Variants in GLIS3 observed in about 807,000 individuals in gnomAD.
The protein encoded by GLIS3 is zinc finger protein GLIS3.
In GLIS3, 53 loss-of-function variants were observed where a neutral mutation model predicts 78.6. The ratio of observed to expected loss-of-function variants is 0.67; its 90% CI spans 0.54 to 0.85. The LOEUF (loss-of-function observed/expected upper bound fraction) is 0.85. Among genes scored for constraint, GLIS3 ranks in the 40% least tolerant of loss-of-function variants. The pLI is 0.00. For missense variants in GLIS3, 1,703 were observed against 1,231.1 expected (o/e 1.38, Z -5.74); for synonymous variants, 684 against 509.9 (o/e 1.34, Z -4.60).
At position 3,935,324 on chromosome 9, in the gene GLIS3, T is replaced by G. The variant is rs1182068953; in HGVS notation, c.1872+1704A>C. 3.9e-5 allele frequency among the ~76,000 whole-genome samples: 6 copies of G among 152,146 alleles called. 1 individual carries two copies. The South Asian group carries it at 1.2e-3, about 32-fold the overall frequency. ...GGAAAAAATGATGCTTTAAAAATAT[T>G]TAATAGAGAAATAATTTTTCCAAAA... On this transcript the variant is annotated intron_variant, in intron 5 of 10. Coordinates refer to ENST00000381971, the MANE Select transcript of GLIS3 (RefSeq NM_001042413.2).
intron 2 of GLIS3, among the ~76,000 whole-genome samples, chr9:4,323,910 C>A (rs139351787): frequency 6.6e-6 from 1 of 152,340 alleles, no homozygotes; most frequent in African/African-American, 2.4e-5. Context: ...AAATAAGTAA[C>A]TGAAACCACT....
At chr9:4,132,936 C>G (rs1166978530) in intron 2 of GLIS3, among the ~76,000 whole-genome samples, 1 of 151,982 alleles carries the variant, frequency 6.6e-6, no homozygotes, top group Non-Finnish European at 1.5e-5. Context: ...AAAATGGGGT[C>G]AGTAATAATA....
intron 2 of GLIS3, among the ~76,000 whole-genome samples, chr9:4,184,577 T>A (rs1335777437): frequency 6.6e-6 from 1 of 152,116 alleles, no homozygotes; most frequent in African/African-American, 2.4e-5. Flanking sequence ...ATAAGCATGA[T>A]CAATGTGTTT....
At chr9:4,063,770 A>C (rs1299296178) in intron 4 of GLIS3, among the ~76,000 whole-genome samples, 1 of 152,196 alleles carries the variant, frequency 6.6e-6, no homozygotes, top group Non-Finnish European at 1.5e-5. Flanking sequence ...AGAGTTCAGT[A>C]GGTTGGTCAG....
the GLIS3 span, among the ~76,000 whole-genome samples, chr9:4,416,263 A>ATTT: frequency 2.7e-5 from 4 of 147,808 alleles, no homozygotes; most frequent in African/African-American, 7.4e-5. Flanking sequence ...AAAAAAAAAA[A>ATTT]AAAAAAAAAA....
Position 4,019,700 on chromosome 9 carries a change from T to A in GLIS3, c.1711-82511A>T, listed in dbSNP as rs10814814. Reference sequence around the variant, plus strand: ...AGGGAGATCGACAATGTGAGACTCATGGGAAGATGCCAGCTGCAATTTTAT... The same window carrying A: ...AGGGAGATCGACAATGTGAGACTCAAGGGAAGATGCCAGCTGCAATTTTAT... On this transcript the variant is annotated intron_variant, in intron 4 of 10. Coordinates refer to ENST00000381971, the MANE Select transcript of GLIS3 (RefSeq NM_001042413.2). 1.6e-3 allele frequency among the ~76,000 whole-genome samples: 241 copies of A among 152,080 alleles called. 2 individuals are homozygous for A. In the East Asian group the frequency reaches 0.032, roughly 20 times the overall value.
intron 2 of GLIS3, among the ~76,000 whole-genome samples, chr9:4,247,127 C>T (rs1247878203): frequency 1.3e-5 from 2 of 152,122 alleles, no homozygotes; most frequent in East Asian, 1.9e-4. Context: ...ACACCAAAAG[C>T]GCGATAAAAG....
At chr9:4,323,324 T>C (rs980612947) in intron 2 of GLIS3, among the ~76,000 whole-genome samples, 19 of 152,228 alleles carry the variant, frequency 1.2e-4, no homozygotes, top group African/African-American at 4.3e-4. Flanking sequence ...TATATTTATA[T>C]ATGTAAACAA....
intron 4 of GLIS3, among the ~76,000 whole-genome samples, chr9:3,953,670 G>A (rs1438442671): frequency 6.6e-6 from 1 of 151,886 alleles, no homozygotes; most frequent in East Asian, 1.9e-4. Flanking sequence ...TTAAAAGTAA[G>A]CTGTTGAAAA....
intron 3 of GLIS3, among the ~76,000 whole-genome samples, chr9:4,124,389 G>C (rs1167919058): frequency 6.6e-6 from 1 of 152,194 alleles, no homozygotes; most frequent in Non-Finnish European, 1.5e-5. Flanking sequence ...TAAGCAGTCT[G>C]TGCCCTGACT....
intron 4 of GLIS3, among the ~76,000 whole-genome samples, chr9:3,988,958 G>A (rs1479103665): frequency 6.6e-6 from 1 of 152,094 alleles, no homozygotes; most frequent in African/African-American, 2.4e-5. Flanking sequence ...CTCATGGGAA[G>A]AAGATGAAAA....
At chr9:4,080,780 T>C (rs7875452) in intron 4 of GLIS3, among the ~76,000 whole-genome samples, 1 of 151,970 alleles carries the variant, frequency 6.6e-6, no homozygotes, top group East Asian at 1.9e-4. Flanking sequence ...ATTACAAATA[T>C]CAAAGAAAGA....
intron 2 of GLIS3, among the ~76,000 whole-genome samples, chr9:4,152,876 G>C (rs146422379): frequency 6.6e-6 from 1 of 152,272 alleles, no homozygotes; most frequent in East Asian, 1.9e-4. Context: ...ACATAGATAT[G>C]TAAATGTTTC....
chr9:4,361,909 G>C, the GLIS3 span, among the ~76,000 whole-genome samples: 1 of 152,154 alleles, frequency 6.6e-6, no homozygotes, highest in Non-Finnish European at 1.5e-5. Context: ...GTTTTTGCAA[G>C]TTTGGAATGT....
the GLIS3 span, among the ~76,000 whole-genome samples, chr9:4,390,981 C>G: frequency 6.6e-6 from 1 of 152,218 alleles, no homozygotes; most frequent in Non-Finnish European, 1.5e-5. Flanking sequence ...AGTATCTCCA[C>G]AAAGGCTTGC....
the GLIS3 span, among the ~76,000 whole-genome samples, chr9:4,374,318 C>G: frequency 6.6e-6 from 1 of 152,220 alleles, no homozygotes; most frequent in African/African-American, 2.4e-5. Flanking sequence ...CTTTATCTAT[C>G]CCTGCAAAGG....
the GLIS3 span, among the ~76,000 whole-genome samples, chr9:4,395,326 G>C: frequency 6.6e-6 from 1 of 152,116 alleles, no homozygotes; most frequent in Non-Finnish European, 1.5e-5. Flanking sequence ...TGTAGTGTGG[G>C]TATTTTGTTG....
chr9:4,040,575 C>G (rs753828056), intron 4 of GLIS3, among the ~76,000 whole-genome samples: 5 of 152,086 alleles, frequency 3.3e-5, no homozygotes, highest in Admixed American at 3.3e-4. Flanking sequence ...GAAAAATATT[C>G]AATCAATAAG....
At chr9:4,232,274 G>C (rs1822321971) in intron 2 of GLIS3, among the ~76,000 whole-genome samples, 1 of 150,918 alleles carries the variant, frequency 6.6e-6, no homozygotes, top group African/African-American at 2.4e-5. Context: ...CCAGCTATTT[G>C]AGATGCCAAG....
Sources: allele counts gnomAD v4.1 joint callset (sites outside exome capture counted in the v4.1 genomes callset), GRCh38; gene constraint gnomAD v4.1.1; transcripts MANE v1.5; gene names NCBI Gene and HGNC (gene_info 2026-07-23, HGNC 2026-07-21).